UST: variants seen among roughly 807,000 people sequenced by gnomAD.
The protein encoded by UST is chondroitin sulfate 2-O-sulfotransferase.
In UST, 21 loss-of-function variants were observed where a neutral mutation model predicts 45.6. The ratio of observed to expected loss-of-function variants is 0.46; its 90% CI spans 0.33 to 0.66. UST has a LOEUF of 0.66. Ranked by LOEUF, UST falls within the 30% of genes least tolerant of loss-of-function variation. The pLI is 0.02. For synonymous variants in UST, 215 were observed against 200.6 expected, an observed-to-expected ratio of 1.07 and a Z score of -0.61; for missense variants, 463 against 512.4, an observed-to-expected ratio of 0.90 and a Z score of 0.93.
chr6:149,009,942 T>C (rs902034773), intron 5 of UST, among the ~76,000 whole-genome samples: 3 of 151,846 alleles, frequency 2.0e-5, no homozygotes, highest in African/African-American at 7.2e-5. Context: ...TCCTTTATTC[T>C]ACCATCTTAG....
At position 148,748,612 on chromosome 6, in the gene UST, G is replaced by T. The variant is rs923293793; in HGVS notation, c.247+935G>T. Reference sequence around the variant, plus strand: ...GGACAGGCGAGCGCAAGCCCAGGTCGCAAGGACGATGCTGGCACTCGCGTT... The same window carrying T: ...GGACAGGCGAGCGCAAGCCCAGGTCTCAAGGACGATGCTGGCACTCGCGTT... On this transcript the variant is annotated intron_variant, in intron 1 of 7. Coordinates refer to ENST00000367463, the MANE Select transcript of UST (RefSeq NM_005715.3). This position sits in a 1 kb window ranked among gnomAD's most constrained non-coding sequence, Gnocchi z 5.3. Among the ~76,000 whole-genome samples the T allele has an allele frequency of 2.6e-5, 4 of 152,078 alleles. No individual in the cohort carries two copies. Among genetic ancestry groups the T allele is most frequent in the African/African-American group, 7.2e-5 (3 of 41,420 alleles).
In UST at chr6:148,748,400, TG is replaced by T. The variant is rs1279098536; in HGVS notation, c.247+724del. Among the ~76,000 whole-genome samples, 9 of 2,656 alleles carry T rather than the reference TG, an allele frequency of 3.4e-3. No homozygotes were observed. Among genetic ancestry groups the T allele is most frequent in the East Asian group, 0.029 (5 of 174 alleles). The allele number at this position is 2,656 out of a possible 152,430, so 1.7% of individuals were successfully genotyped here. ...TGCGTCTCAAGCTCAAGTCAAAACT[TG>T]TGTGTGTGTGTGTGTGTGTGTGTGT... On this transcript the variant is annotated intron_variant, in intron 1 of 7. Coordinates refer to ENST00000367463, the MANE Select transcript of UST (RefSeq NM_005715.3). The surrounding 1 kb of genome is among the most constrained non-coding windows in gnomAD (Gnocchi z 5.3).
chr6:148,750,218 A>T (rs749625971), intron 1 of UST, among the ~76,000 whole-genome samples: 15 of 152,206 alleles, frequency 9.9e-5, no homozygotes, highest in Non-Finnish European at 1.8e-4. Context: ...TTATTTCAGT[A>T]TACTTATACA....
intron 1 of UST, among the ~76,000 whole-genome samples, chr6:148,875,699 G>A (rs1395352273): frequency 6.6e-6 from 1 of 152,236 alleles, no homozygotes. Flanking sequence ...AGATACTCGG[G>A]AGGCCGAGGC....
At chr6:149,039,714 A>G (rs566918046) in intron 7 of UST, among the ~76,000 whole-genome samples, 1 of 152,332 alleles carries the variant, frequency 6.6e-6, no homozygotes, top group East Asian at 1.9e-4. Flanking sequence ...AAAAAGGACG[A>G]CAGTGAGAAG....
chr6:148,917,808 G>A (rs1468139943), intron 2 of UST, among the ~76,000 whole-genome samples: 1 of 152,188 alleles, frequency 6.6e-6, no homozygotes, highest in Admixed American at 6.5e-5. Flanking sequence ...AAAGGAGGAC[G>A]GGAGCTCAGA....
At chr6:148,807,805 C>G (rs932817633) in intron 1 of UST, among the ~76,000 whole-genome samples, 3 of 152,136 alleles carry the variant, frequency 2.0e-5, no homozygotes, top group Non-Finnish European at 4.4e-5. Flanking sequence ...TGCAGAATCA[C>G]CCTGGATGCT....
At chr6:148,884,756 T>TA (rs1778883288) in intron 1 of UST, among the ~76,000 whole-genome samples, 1 of 151,996 alleles carries the variant, frequency 6.6e-6, no homozygotes, top group African/African-American at 2.4e-5. Flanking sequence ...AAATTGGTGA[T>TA]AGAGACACAA....
At chr6:148,747,731 C>CG in intron 1 of UST, 54 bp downstream of exon 1, 5 of 1,503,204 alleles carry the variant, frequency 3.3e-6, no homozygotes, top group Non-Finnish European at 4.4e-6. Flanking sequence ...AGTTGTGCGG[C>CG]GGGGAGAGGG....
chr6:148,938,347 A>G (rs1356998303), intron 2 of UST, among the ~76,000 whole-genome samples: 1 of 152,220 alleles, frequency 6.6e-6, no homozygotes, highest in Non-Finnish European at 1.5e-5. Context: ...TAAGAAAAAA[A>G]TACATAATGG....
chr6:148,785,067 G>A (rs12524763), intron 1 of UST, among the ~76,000 whole-genome samples: 14,847 of 152,092 alleles, frequency 0.098, 821 homozygotes, highest in Non-Finnish European at 0.12. Context: ...CCGGCTTGGC[G>A]GCGTGTGCCT....
chr6:148,812,877 C>T (rs1010825343), intron 1 of UST, among the ~76,000 whole-genome samples: 3 of 152,176 alleles, frequency 2.0e-5, no homozygotes, highest in Non-Finnish European at 4.4e-5. Flanking sequence ...GACAGGTCGT[C>T]TTCGAGCCTG....
intron 1 of UST, among the ~76,000 whole-genome samples, chr6:148,841,275 A>G (rs1264377040): frequency 6.6e-6 from 1 of 152,180 alleles, no homozygotes; most frequent in East Asian, 1.9e-4. Flanking sequence ...TATATTCATT[A>G]AACAAATTTC....
intron 2 of UST, among the ~76,000 whole-genome samples, chr6:148,916,216 A>G (rs1429042075): frequency 2.0e-5 from 3 of 152,182 alleles, no homozygotes; most frequent in Non-Finnish European, 4.4e-5. Flanking sequence ...TATTGGCGTT[A>G]TTACTAGCCA....
At chr6:149,013,201 G>A (rs958781156) in intron 5 of UST, among the ~76,000 whole-genome samples, 2 of 152,114 alleles carry the variant, frequency 1.3e-5, no homozygotes, top group African/African-American at 4.8e-5. Context: ...CGTAAGTTTT[G>A]GTATCTAAGA....
chr6:148,860,797 T>C (rs182295983), intron 1 of UST, among the ~76,000 whole-genome samples: 31 of 152,330 alleles, frequency 2.0e-4, no homozygotes, highest in African/African-American at 7.2e-4. Flanking sequence ...CTGGATTACG[T>C]TTATTGATTT....
At chr6:148,875,780 G>A (rs1465023234) in intron 1 of UST, among the ~76,000 whole-genome samples, 2 of 152,202 alleles carry the variant, frequency 1.3e-5, no homozygotes, top group South Asian at 2.1e-4. Context: ...CTCCCGCTTC[G>A]GCGACACAGC....
At chr6:149,023,874 G>T (rs1377192073) in intron 7 of UST, among the ~76,000 whole-genome samples, 2 of 152,112 alleles carry the variant, frequency 1.3e-5, no homozygotes, top group African/African-American at 4.8e-5. Flanking sequence ...GAAATTATGG[G>T]CCTTTATTCC....
chr6:148,981,576 T>C (rs1781135613), intron 5 of UST, among the ~76,000 whole-genome samples: 1 of 152,158 alleles, frequency 6.6e-6, no homozygotes, highest in Non-Finnish European at 1.5e-5. Flanking sequence ...GTAGGGAACT[T>C]TCCTGTCTTT....
Sources: gnomAD v4.1 joint callset for allele counts (sites outside exome capture counted in the v4.1 genomes callset) on GRCh38, gnomAD v4.1.1 for gene constraint, Gnocchi (gnomAD v3.1) non-coding constraint, MANE v1.5 for transcripts, NCBI Gene and HGNC (gene_info 2026-07-23, HGNC 2026-07-21) for gene names.